PCDHGA4: variants seen among roughly 807,000 people sequenced by gnomAD.
The protein encoded by PCDHGA4 is protocadherin gamma subfamily A, 4.
A neutral mutation model predicts 54.6 loss-of-function variants in PCDHGA4; 38 were observed. That is an observed-to-expected ratio of 0.70 (90% confidence interval 0.54 to 0.91). PCDHGA4 has a LOEUF of 0.91. Among genes scored for constraint, PCDHGA4 ranks in the 40% least tolerant of loss-of-function variants. The probability of loss-of-function intolerance (pLI) is 0.00; values close to 1 mark genes in which losing one functional copy is unlikely to be tolerated. For synonymous variants in PCDHGA4, 511 were observed against 512.9 expected, an observed-to-expected ratio of 1.00 and a Z score of 0.05; for missense variants, 1,298 against 1,220.9, an observed-to-expected ratio of 1.06 and a Z score of -0.94.
chr5:141,445,129 A>G (rs1405841381), intron 1 of PCDHGA4, among the ~76,000 whole-genome samples: 3 of 152,226 alleles, frequency 2.0e-5, no homozygotes, highest in Non-Finnish European at 4.4e-5. Context: ...TATTTTTAAA[A>G]TTGTATCTTC....
intron 1 of PCDHGA4, among the ~76,000 whole-genome samples, chr5:141,456,464 A>T (rs1430885015): frequency 6.6e-6 from 1 of 152,192 alleles, no homozygotes; most frequent in Non-Finnish European, 1.5e-5. Flanking sequence ...TCAATACAAG[A>T]CATATAAGCA....
Position 141,415,142 on chromosome 5 carries a change from C to A in PCDHGA4, c.2514+57521C>A, listed in dbSNP as rs757516335. On this transcript the variant is annotated intron_variant, in intron 1 of 3. Coordinates refer to ENST00000571252, the MANE Select transcript of PCDHGA4 (RefSeq NM_018917.4). The stretch of plus-strand genomic sequence containing the variant: ...GTGGCCGTCCAGGACCACGGCCAGC[C>A]CCCTCTCTCCGCCACTGTCACGCTC... 10 of 1,613,732 alleles carry A rather than the reference C, an allele frequency of 6.2e-6. 1 individual carries two copies. In the South Asian group the frequency reaches 1.1e-4, roughly 18 times the overall value.
intron 1 of PCDHGA4, chr5:141,399,900 C>A (rs752796935): frequency 6.2e-7 from 1 of 1,612,532 alleles, no homozygotes; most frequent in African/African-American, 1.3e-5. Flanking sequence ...TGGCCGTGGA[C>A]GCAGACTCAG....
Position 141,476,443 on chromosome 5 carries a change from G to A in PCDHGA4, c.2515-18364G>A, listed in dbSNP as rs752285213. 1 of 1,614,044 alleles carries A rather than the reference G, an allele frequency of 6.2e-7. No individual in the cohort carries two copies. The highest frequency in any genetic ancestry group is 8.5e-7 in the Non-Finnish European group (1 of 1,180,038). ...TGCCCTCTTGCACTGTAACTCTGGAGTTGGTAGTGGAGAACCCGCTGGAGC... is the reference window on the plus strand; with the variant it reads ...TGCCCTCTTGCACTGTAACTCTGGAATTGGTAGTGGAGAACCCGCTGGAGC... On this transcript the variant is annotated intron_variant, in intron 1 of 3. Transcript: ENST00000571252. This position sits in a 1 kb window ranked among gnomAD's most constrained non-coding sequence, Gnocchi z 7.6.
chr5:141,433,837 C>CAAAAAAAAAAAAAAA (rs56191208), intron 1 of PCDHGA4, among the ~76,000 whole-genome samples: 1 of 111,692 alleles, frequency 9.0e-6, no homozygotes. Flanking sequence ...AACTCTATCT[C>CAAAAAAAAAAAAAAA]AAAAAAAAAA....
At chr5:141,498,372 C>A (rs1008996197) in intron 2 of PCDHGA4, among the ~76,000 whole-genome samples, 3 of 151,730 alleles carry the variant, frequency 2.0e-5, no homozygotes, top group Admixed American at 1.3e-4. Flanking sequence ...GTGGTGAGGC[C>A]TCCTGGGATC....
intron 1 of PCDHGA4, among the ~76,000 whole-genome samples, chr5:141,469,671 A>G (rs1285283342): frequency 1.3e-5 from 2 of 152,236 alleles, no homozygotes; most frequent in Non-Finnish European, 2.9e-5. Flanking sequence ...TTCTAATAAA[A>G]CTACATATGC....
At position 141,477,550 on chromosome 5, in the gene PCDHGA4, C is replaced by T. The variant is rs1262360790; in HGVS notation, c.2515-17257C>T. The T allele has an allele frequency of 4.3e-6, 7 of 1,614,178 alleles. No homozygotes were observed. The highest frequency in any genetic ancestry group is 5.9e-6 in the Non-Finnish European group (7 of 1,180,036). On this transcript the variant is annotated intron_variant, in intron 1 of 3. Transcript: ENST00000571252. This position sits in a 1 kb window ranked among gnomAD's most constrained non-coding sequence, Gnocchi z 4.9. ...ACCTCCCCGGGGCTCCAATACTAAACCTAAGTGTCTGGGACCCCGACGCCC... is the reference window on the plus strand; with the variant it reads ...ACCTCCCCGGGGCTCCAATACTAAATCTAAGTGTCTGGGACCCCGACGCCC...
At chr5:141,399,593 C>T in intron 1 of PCDHGA4, 1 of 1,613,988 alleles carries the variant, frequency 6.2e-7, no homozygotes, top group Non-Finnish European at 8.5e-7. Flanking sequence ...TCTATCATGG[C>T]CAGCGACCTA....
rs2099411055 is a variant in PCDHGA4, at chr5:141,477,429, C to T, written c.2515-17378C>T. 6.2e-7 allele frequency: 1 copy of T among 1,614,218 alleles called. No individual in the cohort carries two copies. Among genetic ancestry groups the T allele is most frequent in the South Asian group, 1.1e-5 (1 of 91,082 alleles). ...CGAGACGCCGGAACCCCTTCCCTCT[C>T]AGCCCTTACAATAGTGCGTGTTCAA... On this transcript the variant is annotated intron_variant, in intron 1 of 3. Coordinates refer to ENST00000571252, the MANE Select transcript of PCDHGA4 (RefSeq NM_018917.4). The surrounding 1 kb of genome is among the most constrained non-coding windows in gnomAD (Gnocchi z 4.9).
chr5:141,369,651 A>C (rs562787182), intron 1 of PCDHGA4, among the ~76,000 whole-genome samples: 2 of 152,378 alleles, frequency 1.3e-5, no homozygotes, highest in South Asian at 4.1e-4. Context: ...GGGGGGAGAT[A>C]ATAAAGATAA....
At chr5:141,423,642 T>C (rs1293550754) in intron 1 of PCDHGA4, 2 of 1,596,770 alleles carry the variant, frequency 1.3e-6, no homozygotes, top group African/African-American at 2.7e-5. Flanking sequence ...TAGGCAAATG[T>C]GACCCGACAA....
intron 1 of PCDHGA4, chr5:141,375,512 C>T (rs1300082311): frequency 1.3e-5 from 21 of 1,613,936 alleles, no homozygotes; most frequent in Non-Finnish European, 1.7e-5. Flanking sequence ...TGTGAATGCA[C>T]TGGACCCTGA....
At chr5:141,502,862 CTGTCT>C (rs2099816366) in intron 2 of PCDHGA4, among the ~76,000 whole-genome samples, 2 of 68,560 alleles carry the variant, frequency 2.9e-5, no homozygotes, top group Admixed American at 3.3e-4. Flanking sequence ...CCCTGACTCT[CTGTCT>C]TTTTTTTTTT....
intron 1 of PCDHGA4, chr5:141,423,613 GA>G (rs1164845631): frequency 1.9e-6 from 3 of 1,610,782 alleles, no homozygotes; most frequent in Admixed American, 1.7e-5. Context: ...CTTGATAGCT[GA>G]AGACTCAGCT....
chr5:141,449,681 G>A (rs2098651836), intron 1 of PCDHGA4, among the ~76,000 whole-genome samples: 1 of 149,394 alleles, frequency 6.7e-6, no homozygotes, highest in Non-Finnish European at 1.5e-5. Context: ...ATGTATATAT[G>A]TTTGTGTGTA....
intron 1 of PCDHGA4, chr5:141,478,196 C>T: frequency 6.2e-7 from 1 of 1,614,068 alleles, no homozygotes; most frequent in Middle Eastern, 1.6e-4. Context: ...CACCTTTTAT[C>T]TACTTCTTTC....
Position 141,375,902 on chromosome 5 carries a change from C to A in PCDHGA4, c.2514+18281C>A. The stretch of plus-strand genomic sequence containing the variant: ...GGGCCAGAACGCCTGGCTGTCCTAC[C>A]GCCTGCTCAAGGCCAGCGAGCCAGG... On this transcript the variant is annotated intron_variant, in intron 1 of 3. Coordinates refer to ENST00000571252, the MANE Select transcript of PCDHGA4 (RefSeq NM_018917.4). 5 of 1,613,784 alleles carry A rather than the reference C, an allele frequency of 3.1e-6. No individual in the cohort carries two copies. The Admixed American group carries it at 5.0e-5, about 16-fold the overall frequency.
At position 141,356,962 on chromosome 5, in the gene PCDHGA4, G is replaced by C; in HGVS notation, c.1855G>C (p.Val619Leu). The C allele has an allele frequency of 6.2e-7, 1 of 1,614,224 alleles. No individual in the cohort carries two copies. Among genetic ancestry groups the C allele is most frequent in the Non-Finnish European group, 8.5e-7 (1 of 1,180,034 alleles). The change falls in exon 1 of 4, where the codon GTG becomes CTG. Residue 619 changes from valine (V) to leucine (L), a missense_variant. Coordinates refer to ENST00000571252, the MANE Select transcript of PCDHGA4 (RefSeq NM_018917.4). ...CCGCTCCGCAGATTCCGGCTACCTGGTGACCAAAGTGGTGGCAGTGGACAG... is the reference window on the plus strand; with the variant it reads ...CCGCTCCGCAGATTCCGGCTACCTGCTGACCAAAGTGGTGGCAGTGGACAG... ...APRSADSGYL[V>L]TKVVAVDRDS...
Sources: allele counts gnomAD v4.1 joint callset (sites outside exome capture counted in the v4.1 genomes callset), GRCh38; gene constraint gnomAD v4.1.1; non-coding constraint Gnocchi (gnomAD v3.1); transcripts MANE v1.5; gene names NCBI Gene and HGNC (gene_info 2026-07-23, HGNC 2026-07-21).